The following RAPGEF5 variants were observed in gnomAD, a reference collection of about 807,000 sequenced individuals.
RAPGEF5 encodes the protein M-Ras-regulated GEF.
A neutral mutation model predicts 125.2 loss-of-function variants in RAPGEF5; 65 were observed. The observed-to-expected ratio is 0.52, with a 90% confidence interval of 0.43 to 0.64. RAPGEF5 has a LOEUF of 0.64. Ranked by LOEUF, RAPGEF5 falls within the 30% of genes least tolerant of loss-of-function variation. The probability of loss-of-function intolerance (pLI) is 0.00; values close to 1 mark genes in which losing one functional copy is unlikely to be tolerated. For missense variants in RAPGEF5, 958 were observed against 1,048.1 expected (o/e 0.91, Z 1.19); for synonymous variants, 391 against 385.9 (o/e 1.01, Z -0.16).
chr7:22,326,171 T>C (rs1783810921), intron 1 of RAPGEF5, among the ~76,000 whole-genome samples: 1 of 152,210 alleles, frequency 6.6e-6, no homozygotes, highest in African/African-American at 2.4e-5. Context: ...GGTCTTCTGA[T>C]GAAAGGAAGA....
chr7:22,258,624 C>CAAAAAAAAAAAAAAAAAA (rs34352575), intron 7 of RAPGEF5, among the ~76,000 whole-genome samples: 3 of 45,808 alleles, frequency 6.5e-5, no homozygotes, highest in African/African-American at 1.8e-4. Flanking sequence ...AACTCCGTCT[C>CAAAAAAAAAAAAAAAAAA]AAAAAAAAAA....
At chr7:22,325,488 T>C (rs913568331) in intron 1 of RAPGEF5, among the ~76,000 whole-genome samples, 46 of 152,322 alleles carry the variant, frequency 3.0e-4, no homozygotes, top group Non-Finnish European at 5.7e-4. Flanking sequence ...TAAGTGGTCA[T>C]GCATAGAGAG....
chr7:22,165,645 T>C (rs574023791), intron 12 of RAPGEF5, among the ~76,000 whole-genome samples: 1 of 152,292 alleles, frequency 6.6e-6, no homozygotes, highest in South Asian at 2.1e-4. Context: ...TCATAGGATA[T>C]AGTAAAGCAC....
intron 1 of RAPGEF5, among the ~76,000 whole-genome samples, chr7:22,332,150 T>A (rs971703209): frequency 6.6e-6 from 1 of 152,236 alleles, no homozygotes; most frequent in African/African-American, 2.4e-5. Context: ...TGACAGATTC[T>A]GAAATTACAA....
intron 6 of RAPGEF5, among the ~76,000 whole-genome samples, chr7:22,281,633 G>A (rs1006380962): frequency 1.9e-4 from 29 of 152,230 alleles, no homozygotes; most frequent in Middle Eastern, 3.4e-3. Flanking sequence ...AATTACTGAG[G>A]TACACTGCAG....
chr7:22,194,713 C>T (rs1355670388), intron 9 of RAPGEF5: 1 of 985,306 alleles, frequency 1.0e-6, no homozygotes, highest in Non-Finnish European at 1.2e-6. Flanking sequence ...GATGACTGCA[C>T]AGACTTTCTT....
chr7:22,157,726 C>A (rs1042980840), intron 15 of RAPGEF5, 129 bp downstream of exon 15: 2 of 996,044 alleles, frequency 2.0e-6, no homozygotes, highest in Non-Finnish European at 3.1e-6. Flanking sequence ...AAGCTGCAGC[C>A]CCAGGCGCCC....
At chr7:22,301,129 T>C (rs1783188431) in intron 5 of RAPGEF5, among the ~76,000 whole-genome samples, 1 of 152,246 alleles carries the variant, frequency 6.6e-6, no homozygotes, top group African/African-American at 2.4e-5. Context: ...TTATTGTTTG[T>C]ATTTTATCTA....
intron 5 of RAPGEF5, among the ~76,000 whole-genome samples, chr7:22,298,331 C>T (rs565245436): frequency 6.6e-6 from 1 of 152,038 alleles, no homozygotes; most frequent in Non-Finnish European, 1.5e-5. Flanking sequence ...CCATGCACCA[C>T]CACGCCTGGC....
intron 6 of RAPGEF5, among the ~76,000 whole-genome samples, chr7:22,287,864 C>T (rs1782833456): frequency 6.6e-6 from 1 of 152,170 alleles, no homozygotes; most frequent in Non-Finnish European, 1.5e-5. Context: ...ACTGTCTAGT[C>T]CAACCACTCA....
In RAPGEF5 at chr7:22,159,371, G is replaced by T. The variant is rs550954381; in HGVS notation, c.1526+1147C>A. 2.6e-5 allele frequency among the ~76,000 whole-genome samples: 4 copies of T among 152,266 alleles called. No individual in the cohort carries two copies. The South Asian group carries it at 8.3e-4, about 32-fold the overall frequency. ...ATGGTTTGCTACCTCAGATTAATTT[G>T]CAATGAGGTCTCCCTTTACTAAAAT... On this transcript the variant is annotated intron_variant, in intron 14 of 25. Coordinates refer to ENST00000665637, the MANE Select transcript of RAPGEF5 (RefSeq NM_012294.5).
At chr7:22,173,336 G>A (rs976012781) in intron 11 of RAPGEF5, among the ~76,000 whole-genome samples, 1 of 152,130 alleles carries the variant, frequency 6.6e-6, no homozygotes, top group African/African-American at 2.4e-5. Context: ...TAACGACCTC[G>A]AACGCAGCTT....
chr7:22,231,098 C>T (rs17711941), intron 7 of RAPGEF5, among the ~76,000 whole-genome samples, 179 bp from the exon 8 acceptor site: 14,124 of 152,136 alleles, frequency 0.093, 766 homozygotes, highest in Middle Eastern at 0.11. Flanking sequence ...GGTACTTCTC[C>T]TGCATATTAT....
chr7:22,193,093 G>A (rs544548524), intron 11 of RAPGEF5: 11 of 524,984 alleles, frequency 2.1e-5, no homozygotes, highest in East Asian at 1.9e-4. Context: ...ACTGCCTTTA[G>A]GTGAGATTTG....
chr7:22,138,548 A>G (rs1392625706), intron 21 of RAPGEF5, among the ~76,000 whole-genome samples: 1 of 152,078 alleles, frequency 6.6e-6, no homozygotes, highest in Non-Finnish European at 1.5e-5. Flanking sequence ...GCCCATCCCC[A>G]CACTCCAGTA....
At chr7:22,297,424 A>G (rs1173477330) in intron 5 of RAPGEF5, among the ~76,000 whole-genome samples, 2 of 152,256 alleles carry the variant, frequency 1.3e-5, no homozygotes, top group Admixed American at 1.3e-4. Flanking sequence ...TGAAATAAAA[A>G]GCAAGGAAAA....
chr7:22,195,066 G>T (rs879318317), intron 9 of RAPGEF5, among the ~76,000 whole-genome samples: 6 of 152,232 alleles, frequency 3.9e-5, no homozygotes, highest in Non-Finnish European at 7.3e-5. Context: ...TCACCTTAAA[G>T]ATGATGTCAC....
At chr7:22,287,166 G>C (rs1179132411) in intron 6 of RAPGEF5, among the ~76,000 whole-genome samples, 1 of 152,110 alleles carries the variant, frequency 6.6e-6, no homozygotes, top group Non-Finnish European at 1.5e-5. Flanking sequence ...CACTGTTTAG[G>C]TTTCTGTATG....
chr7:22,314,046 T>C (rs538273513), intron 3 of RAPGEF5, among the ~76,000 whole-genome samples: 5 of 152,304 alleles, frequency 3.3e-5, no homozygotes, highest in African/African-American at 1.2e-4. Flanking sequence ...AGAATACGCA[T>C]GTCTAGCCTA....
Sources: gnomAD v4.1 joint callset for allele counts (sites outside exome capture counted in the v4.1 genomes callset) on GRCh38, gnomAD v4.1.1 for gene constraint, MANE v1.5 for transcripts, NCBI Gene and HGNC (gene_info 2026-07-23, HGNC 2026-07-21) for gene names.